MYCT1: variants seen among roughly 807,000 people sequenced by gnomAD.
MYCT1 encodes myc target protein 1.
In MYCT1, 12 loss-of-function variants were observed where a neutral mutation model predicts 15.0. The observed-to-expected ratio is 0.80, with a 90% CI of 0.51 to 1.29. The LOEUF (loss-of-function observed/expected upper bound fraction) is 1.29. Among genes scored for constraint, MYCT1 ranks in the 50% most tolerant of loss-of-function variants. MYCT1 has a pLI of 0.00. For synonymous variants in MYCT1, 104 were observed against 102.7 expected, an observed-to-expected ratio of 1.01 and a Z score of -0.07; for missense variants, 287 against 279.1, an observed-to-expected ratio of 1.03 and a Z score of -0.20.
At chr6:152,706,869 G>A (rs1327653571) in intron 1 of MYCT1, among the ~76,000 whole-genome samples, 2 of 151,840 alleles carry the variant, frequency 1.3e-5, no homozygotes, top group Admixed American at 1.3e-4. Flanking sequence ...GTGTGTGTGT[G>A]TGTGTATGCA....
rs936921968 is a variant in MYCT1 at position 152,723,243 on chromosome 6, T to C, written c.*990T>C. 7.9e-5 allele frequency: 12 copies of C among 152,192 alleles called. No homozygotes were observed. Among genetic ancestry groups the C allele is most frequent in the African/African-American group, 2.7e-4 (11 of 41,458 alleles). The allele number at this position is 152,192 out of a possible 1,614,324, so 9.4% of individuals were successfully genotyped here. The stretch of plus-strand genomic sequence containing the variant: ...AGTTATCTACTTCCTGGAGGCAAAA[T>C]CCTTGGATTTACTAACATGATGATT... On this transcript the variant is annotated 3_prime_UTR_variant, in exon 2 of 2. Coordinates refer to ENST00000367245, the MANE Select transcript of MYCT1 (RefSeq NM_025107.3).
chr6:152,737,246 T>C, the MYCT1 span, among the ~76,000 whole-genome samples: 2 of 152,170 alleles, frequency 1.3e-5, no homozygotes, highest in South Asian at 2.1e-4. Flanking sequence ...ATTAAAAGTT[T>C]TTTTTTTTCT....
intron 1 of MYCT1, among the ~76,000 whole-genome samples, chr6:152,720,431 C>A (rs1373378495): frequency 1.3e-5 from 2 of 152,108 alleles, no homozygotes; most frequent in Non-Finnish European, 2.9e-5. Context: ...ATTTTCTCCT[C>A]CTCTTCCCCA....
At chr6:152,741,494 T>C in the MYCT1 span, among the ~76,000 whole-genome samples, 1 of 152,268 alleles carries the variant, frequency 6.6e-6, no homozygotes, top group East Asian at 1.9e-4. Context: ...GGGGATATAA[T>C]GATACATAAG....
At position 152,721,847 on chromosome 6, in the gene MYCT1, C is replaced by G; in HGVS notation, c.302C>G (p.Ala101Gly). 6.2e-7 allele frequency: 1 copy of G among 1,614,064 alleles called. No homozygotes were observed. The highest frequency in any genetic ancestry group is 8.5e-7 in the Non-Finnish European group (1 of 1,180,014). The change falls in exon 2 of 2, where the codon GCT (alanine) becomes GGT (glycine). Residue 101 changes from alanine (A) to glycine (G), a missense_variant. Transcript: ENST00000367245. The stretch of plus-strand genomic sequence containing the variant: ...CTGTCTCGAAGAAGAAGAGCCAGTG[C>G]TCCCATCTCACAGTGGAGTTCAAGC... ...ICLSRRRRAS[A>G]PISQWSSSRR...
At chr6:152,745,400 C>T in the MYCT1 span, among the ~76,000 whole-genome samples, 1 of 152,104 alleles carries the variant, frequency 6.6e-6, no homozygotes, top group African/African-American at 2.4e-5. Flanking sequence ...GAGTTGGAGG[C>T]TGCCTTGAGC....
chr6:152,699,084 CAG>C (rs1168140468), intron 1 of MYCT1, among the ~76,000 whole-genome samples: 30 of 152,288 alleles, frequency 2.0e-4, no homozygotes, highest in African/African-American at 6.7e-4. Flanking sequence ...TTAATCCTCT[CAG>C]TGTACAATTC....
At chr6:152,721,678 AC>A in intron 1 of MYCT1, 63 bp from the exon 2 acceptor site, 1 of 1,454,458 alleles carries the variant, frequency 6.9e-7, no homozygotes, top group South Asian at 1.3e-5. Context: ...ATATATGCTG[AC>A]CCTTGTTTTT....
chr6:152,712,928 G>C (rs891064991), intron 1 of MYCT1, among the ~76,000 whole-genome samples: 1 of 151,874 alleles, frequency 6.6e-6, no homozygotes, highest in African/African-American at 2.4e-5. Flanking sequence ...TGAGACTCTT[G>C]ATTTGTAGAT....
the MYCT1 span, among the ~76,000 whole-genome samples, chr6:152,732,994 AAT>A: frequency 6.6e-6 from 1 of 152,184 alleles, no homozygotes; most frequent in Non-Finnish European, 1.5e-5. Flanking sequence ...ATTCCCCAGG[AAT>A]ATGTCAGAGC....
At chr6:152,731,272 C>T in the MYCT1 span, among the ~76,000 whole-genome samples, 1 of 151,138 alleles carries the variant, frequency 6.6e-6, no homozygotes, top group Non-Finnish European at 1.5e-5. Context: ...AAGAATATTA[C>T]TTTAAATTTT....
At chr6:152,745,997 T>G in the MYCT1 span, among the ~76,000 whole-genome samples, 349 of 152,280 alleles carry the variant, frequency 2.3e-3, 2 homozygotes, top group African/African-American at 8.0e-3. Context: ...TCCCTTCCAC[T>G]CTACCATAAA....
chr6:152,734,656 A>G, the MYCT1 span, among the ~76,000 whole-genome samples: 24 of 151,360 alleles, frequency 1.6e-4, no homozygotes, highest in African/African-American at 5.9e-4. Flanking sequence ...CATTTCCCAC[A>G]TGCTTTGACA....
rs966955772 is a variant in MYCT1, at chr6:152,723,896, C to A, written c.*1643C>A. ...AGTGGGATTTTCAGTGAAAAAGTAC[C>A]CTCTTTTTCATTTCCTATTGCAGTG... is the stretch of plus-strand genomic sequence containing the variant. On this transcript the variant is annotated 3_prime_UTR_variant, in exon 2 of 2. Coordinates refer to ENST00000367245, the MANE Select transcript of MYCT1 (RefSeq NM_025107.3). 2.0e-5 allele frequency: 3 copies of A among 152,022 alleles called. No individual in the cohort carries two copies. Among genetic ancestry groups the A allele is most frequent in the African/African-American group, 7.2e-5 (3 of 41,390 alleles). 9.4% of individuals were successfully genotyped at this position (152,022 alleles called of 1,614,324 possible).
rs570320956 is a variant in MYCT1 at position 152,724,561 on chromosome 6, TTA to T, written c.*2310_*2311del. 4.2e-3 allele frequency: 646 copies of T among 152,260 alleles called. 4 individuals carry two copies. Among genetic ancestry groups the T allele is most frequent in the African/African-American group, 0.015 (617 of 41,552 alleles). 9.4% of individuals were successfully genotyped at this position (152,260 alleles called of 1,614,324 possible). ...TGTGGATTGTGAAATAAAAATAAATTTATGTCAAGTTTTATTCAAAATTCATT... is the reference window on the plus strand; with the variant it reads ...TGTGGATTGTGAAATAAAAATAAATTTGTCAAGTTTTATTCAAAATTCATT... On this transcript the variant is annotated 3_prime_UTR_variant, in exon 2 of 2. Transcript: ENST00000367245.
intron 1 of MYCT1, among the ~76,000 whole-genome samples, chr6:152,712,450 C>T (rs1362323589): frequency 5.5e-5 from 4 of 72,456 alleles, no homozygotes; most frequent in African/African-American, 1.5e-4. Flanking sequence ...TGACCCCTTG[C>T]GCTTCCCAGG....
chr6:152,714,912 T>G (rs977922639), intron 1 of MYCT1, among the ~76,000 whole-genome samples: 6 of 151,994 alleles, frequency 3.9e-5, no homozygotes, highest in Non-Finnish European at 5.9e-5. Flanking sequence ...CAGTCCAACT[T>G]GGGATTGATC....
intron 1 of MYCT1, among the ~76,000 whole-genome samples, chr6:152,716,610 C>T (rs1007172207): frequency 1.3e-5 from 2 of 152,042 alleles, no homozygotes; most frequent in African/African-American, 4.8e-5. Context: ...AATTGGAAGA[C>T]ACGAACGTGG....
At chr6:152,737,150 A>C in the MYCT1 span, among the ~76,000 whole-genome samples, 2 of 152,096 alleles carry the variant, frequency 1.3e-5, no homozygotes, top group African/African-American at 4.8e-5. Context: ...TCCTGGAACA[A>C]TATACTAAGA....
Sources: gnomAD v4.1 joint callset for allele counts (sites outside exome capture counted in the v4.1 genomes callset) on GRCh38, gnomAD v4.1.1 for gene constraint, MANE v1.5 for transcripts, NCBI Gene and HGNC (gene_info 2026-07-23, HGNC 2026-07-21) for gene names.